EPN2: variants seen among roughly 807,000 people sequenced by gnomAD.
EPN2 encodes the protein epsin 2.
EPN2 carries 34 observed loss-of-function variants against 61.7 expected under a neutral mutation model. The observed-to-expected ratio is 0.55, with a 90% CI of 0.42 to 0.73. The LOEUF is 0.73. Ranked by LOEUF, EPN2 falls within the 30% of genes least tolerant of loss-of-function variation. The probability of loss-of-function intolerance (pLI) is 0.00; values close to 1 mark genes in which losing one functional copy is unlikely to be tolerated. For missense variants in EPN2, 714 were observed against 839.2 expected, an observed-to-expected ratio of 0.85 and a Z score of 1.84; for synonymous variants, 349 against 353.6, an observed-to-expected ratio of 0.99 and a Z score of 0.15.
chr17:19,276,653 C>T (rs1321681611), intron 1 of EPN2: 1 of 151,892 alleles, frequency 6.6e-6, no homozygotes, highest in African/African-American at 2.4e-5. Context: ...CTTTATTTAT[C>T]AATTAGCATC....
Position 19,256,217 on chromosome 17 carries a change from A to G in EPN2, c.-294+18686A>G, listed in dbSNP as rs563418330. ...CTCCCAAAGTGCTGGGATTACAGGC[A>G]TGAGCCACCGCGCCTGGCCCCAGTC... is the stretch of plus-strand genomic sequence containing the variant. On this transcript the variant is annotated intron_variant, in intron 1 of 10. Transcript: ENST00000314728. Among the ~76,000 whole-genome samples the G allele has an allele frequency of 1.1e-3, 165 of 152,116 alleles. No individual in the cohort carries two copies. In the South Asian group the frequency reaches 0.015, roughly 14 times the overall value.
intron 1 of EPN2, among the ~76,000 whole-genome samples, chr17:19,272,076 T>C (rs1342812175): frequency 1.3e-5 from 2 of 152,238 alleles, no homozygotes; most frequent in Non-Finnish European, 2.9e-5. Context: ...GCTGGAAAAT[T>C]ATGCTGATCA....
chr17:19,307,970 A>G (rs1036529831), intron 4 of EPN2: 39 of 985,202 alleles, frequency 4.0e-5, no homozygotes, highest in Non-Finnish European at 4.3e-5. Context: ...GCAAATTTAG[A>G]TTGGAAAGTA....
At chr17:19,247,295 A>T (rs184836300) in intron 1 of EPN2, among the ~76,000 whole-genome samples, 124 of 152,348 alleles carry the variant, frequency 8.1e-4, no homozygotes, top group African/African-American at 2.8e-3. Context: ...TAATGGTTAT[A>T]AATGAAATGC....
In EPN2 at chr17:19,297,787, A is replaced by G. The variant is rs981357670; in HGVS notation, c.766+11997A>G. Among the ~76,000 whole-genome samples the G allele has an allele frequency of 3.3e-5, 5 of 152,240 alleles. No individual in the cohort carries two copies. The East Asian group carries it at 7.7e-4, about 23-fold the overall frequency. On this transcript the variant is annotated intron_variant, in intron 4 of 10. Transcript: ENST00000314728. ...ACAGAGGGTGCCCATGAGAAATAGG[A>G]CAATTATGCAGTTTGATTTTTTTGA...
chr17:19,309,282 C>A (rs1416691672), intron 4 of EPN2, among the ~76,000 whole-genome samples: 1 of 152,172 alleles, frequency 6.6e-6, no homozygotes, highest in Non-Finnish European at 1.5e-5. Context: ...AGGCACACGC[C>A]ACCATGCCCA....
chr17:19,289,091 T>G (rs1481011332), intron 4 of EPN2, among the ~76,000 whole-genome samples: 2 of 141,020 alleles, frequency 1.4e-5, no homozygotes, highest in Non-Finnish European at 3.1e-5. Flanking sequence ...TTTTTTTTTT[T>G]TTTTTTTTTT....
chr17:19,242,404 C>T (rs1369128538), intron 1 of EPN2, among the ~76,000 whole-genome samples: 1 of 152,170 alleles, frequency 6.6e-6, no homozygotes, highest in Non-Finnish European at 1.5e-5. Flanking sequence ...GCCTGGGTGA[C>T]AGAGCAAGAC....
intron 5 of EPN2, 29 bp downstream of exon 5, chr17:19,310,026 A>AT (rs1567863738): frequency 6.8e-7 from 1 of 1,481,094 alleles, no homozygotes; most frequent in South Asian, 1.1e-5. Context: ...TCTGCACTGC[A>AT]TTGACTGCCC....
intron 4 of EPN2, among the ~76,000 whole-genome samples, chr17:19,289,723 G>GATTT (rs2045441559): frequency 3.6e-5 from 1 of 27,522 alleles, no homozygotes; most frequent in Non-Finnish European, 1.3e-4. Flanking sequence ...TGGCGCTCAT[G>GATTT]GTTTTTTTTT....
chr17:19,254,540 CAAAAAA>C (rs923949069), intron 1 of EPN2, among the ~76,000 whole-genome samples: 1 of 150,708 alleles, frequency 6.6e-6, no homozygotes, highest in African/African-American at 2.4e-5. Context: ...GACTCTGTCT[CAAAAAA>C]AACAAAAACA....
chr17:19,246,491 C>T (rs1461251308), intron 1 of EPN2, among the ~76,000 whole-genome samples: 1 of 151,984 alleles, frequency 6.6e-6, no homozygotes, highest in East Asian at 1.9e-4. Flanking sequence ...GAGCATTTTC[C>T]CAAGGTTTGA....
chr17:19,239,650 T>C (rs1462692041), intron 1 of EPN2, among the ~76,000 whole-genome samples: 1 of 152,176 alleles, frequency 6.6e-6, no homozygotes, highest in Non-Finnish European at 1.5e-5. Flanking sequence ...GTCCCACAAG[T>C]CCCCGGACCA....
chr17:19,308,647 G>A lies in EPN2; in HGVS notation c.767-1238G>A, dbSNP rs989081758. The A allele has an allele frequency of 4.1e-6, 4 of 985,292 alleles. No homozygotes were observed. In the African/African-American group the frequency reaches 5.2e-5, roughly 13 times the overall value. 61.0% of individuals were successfully genotyped at this position (985,292 alleles called of 1,614,324 possible). A position where few individuals can be genotyped will look rare whatever the true frequency, so the allele number is the denominator to read the frequency against. Reference sequence around the variant, plus strand: ...GAGGGAACAGCCTGCACGGAGACCCGGGAGGAGGACAGGGCAAGGAACCAT... The same window carrying A: ...GAGGGAACAGCCTGCACGGAGACCCAGGAGGAGGACAGGGCAAGGAACCAT... On this transcript the variant is annotated intron_variant, in intron 4 of 10. Transcript: ENST00000314728.
chr17:19,267,150 A>T (rs1412795033), intron 1 of EPN2, among the ~76,000 whole-genome samples: 3 of 151,886 alleles, frequency 2.0e-5, no homozygotes, highest in South Asian at 2.1e-4. Context: ...AAATGTTCAC[A>T]TATTATTTCA....
intron 8 of EPN2, 89 bp downstream of exon 8, chr17:19,328,976 T>TAGCC: frequency 8.1e-7 from 1 of 1,229,942 alleles, no homozygotes; most frequent in Non-Finnish European, 1.1e-6. Context: ...ATCAGCCCTG[T>TAGCC]TGCTTTGCTT....
intron 10 of EPN2, among the ~76,000 whole-genome samples, 174 bp from the exon 11 acceptor site, chr17:19,333,782 C>G (rs1907270097): frequency 6.6e-6 from 1 of 152,204 alleles, no homozygotes; most frequent in Admixed American, 6.5e-5. Flanking sequence ...CCTTAAAGTG[C>G]AGATTCATGC....
chr17:19,260,063 C>T (rs541863267), intron 1 of EPN2, among the ~76,000 whole-genome samples: 6 of 152,336 alleles, frequency 3.9e-5, no homozygotes, highest in Admixed American at 1.3e-4. Flanking sequence ...GCCACTGGAG[C>T]TCTCTGCAGA....
intron 1 of EPN2, among the ~76,000 whole-genome samples, chr17:19,242,297 C>A (rs942209051): frequency 6.6e-6 from 1 of 152,034 alleles, no homozygotes; most frequent in Admixed American, 6.6e-5. Context: ...AAAAATTAGC[C>A]GGGCATAGTG....
Sources: gnomAD v4.1 joint callset for allele counts (sites outside exome capture counted in the v4.1 genomes callset) on GRCh38, gnomAD v4.1.1 for gene constraint, MANE v1.5 for transcripts, NCBI Gene and HGNC (gene_info 2026-07-23, HGNC 2026-07-21) for gene names.